The following NIBAN1 variants were observed in gnomAD, a reference collection of about 807,000 sequenced individuals.
The protein encoded by NIBAN1 is protein Niban 1.
NIBAN1 carries 81 observed loss-of-function variants against 75.1 expected under a neutral mutation model. The ratio of observed to expected loss-of-function variants is 1.08; its 90% confidence interval spans 0.90 to 1.30. NIBAN1 has a LOEUF of 1.30. Among genes scored for constraint, NIBAN1 ranks in the 50% most tolerant of loss-of-function variants. The pLI, the probability that NIBAN1 is intolerant of heterozygous loss-of-function variation, is 0.00. For missense variants in NIBAN1, 1,133 were observed against 1,128.1 expected (o/e 1.00, Z -0.06); for synonymous variants, 436 against 424.8 (o/e 1.03, Z -0.32).
intron 1 of NIBAN1, among the ~76,000 whole-genome samples, chr1:184,960,822 G>T (rs542647418): frequency 2.0e-4 from 30 of 152,190 alleles, no homozygotes; most frequent in African/African-American, 6.3e-4. Flanking sequence ...TAGAGACAGG[G>T]TTTCAACATG....
intron 1 of NIBAN1, among the ~76,000 whole-genome samples, chr1:184,913,137 G>GTATATACATATATATATGA (rs1553227213): frequency 9.1e-6 from 1 of 109,750 alleles, no homozygotes; most frequent in Non-Finnish European, 1.9e-5. Flanking sequence ...TATCATGCAG[G>GTATATACATATATATATGA]TATATATATA....
At chr1:184,852,785 C>T (rs1019795629) in intron 5 of NIBAN1, among the ~76,000 whole-genome samples, 5 of 152,172 alleles carry the variant, frequency 3.3e-5, no homozygotes, top group South Asian at 2.1e-4. Context: ...TCTTTCTCTC[C>T]GTCTGCCTGT....
chr1:184,816,643 G>T (rs1199589729), intron 9 of NIBAN1, among the ~76,000 whole-genome samples: 4 of 152,126 alleles, frequency 2.6e-5, no homozygotes, highest in Non-Finnish European at 4.4e-5. Context: ...ATAGATCCTA[G>T]AACATACCAG....
intron 1 of NIBAN1, among the ~76,000 whole-genome samples, chr1:184,906,356 C>G (rs955296546): frequency 2.0e-5 from 3 of 151,890 alleles, no homozygotes; most frequent in Non-Finnish European, 4.4e-5. Context: ...CTTGGCTGGG[C>G]GCGGTGGCTC....
chr1:184,882,821 C>T (rs940094299), intron 5 of NIBAN1, among the ~76,000 whole-genome samples: 10 of 152,196 alleles, frequency 6.6e-5, no homozygotes. Context: ...AGGCCCTAAA[C>T]ACAGACGGGC....
At chr1:184,974,157 C>A in intron 1 of NIBAN1, 145 bp downstream of exon 1, 1 of 865,100 alleles carries the variant, frequency 1.2e-6, no homozygotes, top group African/African-American at 1.8e-5. Context: ...GCAGGAAACC[C>A]GACTCGCGCG....
intron 1 of NIBAN1, among the ~76,000 whole-genome samples, chr1:184,962,320 G>A (rs899481857): frequency 6.6e-6 from 1 of 152,118 alleles, no homozygotes. Flanking sequence ...TGAGACTGTT[G>A]TGTGTATTTG....
Position 184,798,169 on chromosome 1 carries a change from A to G in NIBAN1, c.1576T>C (p.Phe526Leu). 3 of 1,605,580 alleles carry G rather than the reference A, an allele frequency of 1.9e-6. No individual in the cohort carries two copies. The highest frequency in any genetic ancestry group is 2.6e-6 in the Non-Finnish European group (3 of 1,173,556). ...CKPELQKYEQ[F>L]IFADHTNMIH... ...ATATTGGTATGATCTGCAAAGATGA[A>G]CTGCTCGTATTTCTGAAGCTCCTGG... Residue 526 changes from phenylalanine (F) to leucine (L), a missense_variant, in exon 13 of 14, where the codon TTC becomes CTC. Phe to Leu is a conservative substitution (Grantham distance 22). Coordinates refer to ENST00000367511, the MANE Select transcript of NIBAN1 (RefSeq NM_052966.4).
intron 1 of NIBAN1, among the ~76,000 whole-genome samples, chr1:184,913,141 A>ATATATATATATATATAT (rs1033436612): frequency 2.5e-4 from 37 of 148,252 alleles, no homozygotes; most frequent in African/African-American, 8.9e-4. Flanking sequence ...ATGCAGGTAT[A>ATATATATATATATATAT]TATATATATA....
At chr1:184,884,063 C>T (rs1043354999) in intron 5 of NIBAN1, among the ~76,000 whole-genome samples, 1 of 151,980 alleles carries the variant, frequency 6.6e-6, no homozygotes, top group African/African-American at 2.4e-5. Flanking sequence ...TGTGACACCC[C>T]CCAACTTGCA....
intron 5 of NIBAN1, chr1:184,867,980 A>G (rs1185630392): frequency 1.0e-6 from 1 of 985,306 alleles, no homozygotes; most frequent in Non-Finnish European, 1.2e-6. Flanking sequence ...GGGGAAGGAA[A>G]AAACAACAAA....
At chr1:184,854,135 T>A (rs946284835) in intron 5 of NIBAN1, among the ~76,000 whole-genome samples, 1 of 152,164 alleles carries the variant, frequency 6.6e-6, no homozygotes, top group African/African-American at 2.4e-5. Flanking sequence ...TACAGCACAT[T>A]TGAGTTTGGA....
At chr1:184,955,361 T>TTTCCTTTC (rs1491199108) in intron 1 of NIBAN1, among the ~76,000 whole-genome samples, 4,269 of 24,356 alleles carry the variant, frequency 0.18, 96 homozygotes, top group Non-Finnish European at 0.3. Context: ...CCTTTCCTTT[T>TTTCCTTTC]CTTTTTTGTT....
intron 1 of NIBAN1, among the ~76,000 whole-genome samples, chr1:184,966,915 C>T (rs1658799880): frequency 6.6e-6 from 1 of 152,152 alleles, no homozygotes; most frequent in African/African-American, 2.4e-5. Context: ...ATCCTATAGA[C>T]TCATTCCATA....
At chr1:184,943,917 G>A (rs1198138587) in intron 1 of NIBAN1, among the ~76,000 whole-genome samples, 1 of 152,124 alleles carries the variant, frequency 6.6e-6, no homozygotes, top group Non-Finnish European at 1.5e-5. Context: ...TAAAGCTCAG[G>A]ATTTTAAGCT....
intron 1 of NIBAN1, among the ~76,000 whole-genome samples, chr1:184,950,490 G>A (rs891717987): frequency 6.6e-6 from 1 of 152,112 alleles, no homozygotes; most frequent in Non-Finnish European, 1.5e-5. Flanking sequence ...TGAATTGCTA[G>A]AGATCATTAT....
intron 1 of NIBAN1, among the ~76,000 whole-genome samples, chr1:184,923,446 AT>A (rs1171536772): frequency 1.3e-5 from 2 of 152,176 alleles, no homozygotes; most frequent in Admixed American, 6.5e-5. Flanking sequence ...TGCCAACACC[AT>A]GCTGTTTTGG....
chr1:184,913,184 GTA>G (rs147198133), intron 1 of NIBAN1, among the ~76,000 whole-genome samples: 31 of 95,110 alleles, frequency 3.3e-4, no homozygotes, highest in Admixed American at 2.9e-4. Flanking sequence ...TACCATGCAG[GTA>G]TATATATATA....
At chr1:184,961,103 C>G (rs1446974559) in intron 1 of NIBAN1, among the ~76,000 whole-genome samples, 2 of 106,886 alleles carry the variant, frequency 1.9e-5, no homozygotes, top group Admixed American at 2.7e-4. Flanking sequence ...GAGTCTTGCT[C>G]TGTCGCCCAG....
Sources: gnomAD v4.1 joint callset for allele counts (sites outside exome capture counted in the v4.1 genomes callset) on GRCh38, gnomAD v4.1.1 for gene constraint, MANE v1.5 for transcripts, NCBI Gene and HGNC (gene_info 2026-07-23, HGNC 2026-07-21) for gene names.